Variants in CEP250 observed in about 807,000 individuals in gnomAD.
CEP250 encodes centrosomal protein 250.
Under a neutral mutation model 315.7 loss-of-function variants are expected in CEP250, and 242 were observed. The ratio of observed to expected loss-of-function variants is 0.77; its 90% CI spans 0.69 to 0.85. The LOEUF (loss-of-function observed/expected upper bound fraction) is 0.85. Among genes scored for constraint, CEP250 ranks in the 40% least tolerant of loss-of-function variants. The pLI, the probability that CEP250 is intolerant of heterozygous loss-of-function variation, is 0.00. For missense variants in CEP250, 2,515 were observed against 2,886.4 expected, an observed-to-expected ratio of 0.87 and a Z score of 2.95; for synonymous variants, 1,088 against 1,175.0, an observed-to-expected ratio of 0.93 and a Z score of 1.51.
At position 35,516,311 on chromosome 20, in the gene CEP250, G is replaced by A. The variant is rs907756942; in HGVS notation, c.*4685G>A. 2 of 152,230 alleles carry A rather than the reference G, an allele frequency of 1.3e-5. No homozygotes were observed. Among genetic ancestry groups the A allele is most frequent in the African/African-American group, 4.8e-5 (2 of 41,452 alleles). The allele number at this position is 152,230 out of a possible 1,614,324, so 9.4% of individuals were successfully genotyped here. On this transcript the variant is annotated 3_prime_UTR_variant, in exon 35 of 35. Transcript: ENST00000397527. ...CAGGTGAGGGAATCAGGGAAGGCCA[G>A]ATTAATAATCCACACATTGCCCTTG...
intron 30 of CEP250, among the ~76,000 whole-genome samples, chr20:35,505,825 C>T (rs2064171552): frequency 6.6e-6 from 1 of 152,046 alleles, no homozygotes; most frequent in African/African-American, 2.4e-5. Context: ...GACCGGAAGA[C>T]AGCAGGGGCC....
rs1002803800 is a variant in CEP250, at chr20:35,516,953, C to G, written c.*5327C>G. 10 of 985,072 alleles carry G rather than the reference C, an allele frequency of 1.0e-5. No homozygotes were observed. The highest frequency in any genetic ancestry group is 1.2e-5 in the Non-Finnish European group (10 of 829,672). 61.0% of individuals were successfully genotyped at this position (985,072 alleles called of 1,614,324 possible). ...CAGGTGAGCATAAGCTCAAACCCCCCCATTGAAGGCTACATTCTTGTCCCA... is the reference window on the plus strand; with the variant it reads ...CAGGTGAGCATAAGCTCAAACCCCCGCATTGAAGGCTACATTCTTGTCCCA... On this transcript the variant is annotated 3_prime_UTR_variant, in exon 35 of 35. Coordinates refer to ENST00000397527, the MANE Select transcript of CEP250 (RefSeq NM_007186.6).
In CEP250 at chr20:35,515,939, G is replaced by A. The variant is rs952081182; in HGVS notation, c.*4313G>A. On this transcript the variant is annotated 3_prime_UTR_variant, in exon 35 of 35. Coordinates refer to ENST00000397527, the MANE Select transcript of CEP250 (RefSeq NM_007186.6). ...AGGTGAGGATGAGAGGTGAGACTTC[G>A]TTGGACTGTGCTCCTGGCCAGTTGA... 6 of 152,246 alleles carry A rather than the reference G, an allele frequency of 3.9e-5. No homozygotes were observed. The highest frequency in any genetic ancestry group is 9.7e-5 in the African/African-American group (4 of 41,436). The allele number at this position is 152,246 out of a possible 1,614,324, so 9.4% of individuals were successfully genotyped here.
chr20:35,479,096 G>A (rs1016230183), intron 17 of CEP250, 135 bp from the exon 18 acceptor site: 7 of 773,974 alleles, frequency 9.0e-6, no homozygotes, highest in South Asian at 1.8e-5. Flanking sequence ...TAAATGCCAC[G>A]TGCTATTGGG....
intron 11 of CEP250, 148 bp from the exon 12 acceptor site, chr20:35,472,525 C>T (rs902072963): frequency 1.2e-5 from 10 of 809,600 alleles, no homozygotes; most frequent in Middle Eastern, 3.4e-4. Flanking sequence ...AGGAACCAGA[C>T]TTTTATGCTC....
rs748657295 is a variant in CEP250, at chr20:35,479,290, G to A, written c.2154G>A (p.Lys718=). Residue 718 remains lysine (K), a synonymous_variant, in exon 18 of 35, where the codon AAG becomes AAA. Coordinates refer to ENST00000397527, the MANE Select transcript of CEP250 (RefSeq NM_007186.6). Reference sequence around the variant, plus strand: ...TGGAGCAGCTACATCAGGAGGCAAAGCGACAGGAAGAAGTGCTTGCCAGGG... The same window carrying A: ...TGGAGCAGCTACATCAGGAGGCAAAACGACAGGAAGAAGTGCTTGCCAGGG... ...TQLEQLHQEA[K]RQEEVLARAV... 6.2e-7 allele frequency: 1 copy of A among 1,614,236 alleles called. No individual in the cohort carries two copies. Among genetic ancestry groups the A allele is most frequent in the Admixed American group, 1.7e-5 (1 of 60,024 alleles).
In CEP250 at chr20:35,470,130, AAATT is replaced by A. The variant is rs1262513961; in HGVS notation, c.948+151_948+154del. On this transcript the variant is annotated intron_variant, in intron 10 of 34. Coordinates refer to ENST00000397527, the MANE Select transcript of CEP250 (RefSeq NM_007186.6). The stretch of plus-strand genomic sequence containing the variant: ...AAAAATAAATTTTGGCTGAATCTGA[AAATT>A]AATTAACTCATTCATTTATTCATTG... 53 of 634,792 alleles carry A rather than the reference AAATT, an allele frequency of 8.3e-5. 1 individual carries two copies. The African/African-American group carries it at 8.7e-4, about 10-fold the overall frequency. 39.3% of individuals were successfully genotyped at this position (634,792 alleles called of 1,614,324 possible). A position where few individuals can be genotyped will look rare whatever the true frequency, so the allele number is the denominator to read the frequency against.
intron 1 of CEP250, among the ~76,000 whole-genome samples, chr20:35,456,501 A>C (rs1207870465): frequency 6.6e-6 from 1 of 152,172 alleles, no homozygotes; most frequent in Non-Finnish European, 1.5e-5. Context: ...AGATTTATAG[A>C]GGTCACAACA....
At position 35,502,977 on chromosome 20, in the gene CEP250, A is replaced by G. The variant is rs1326948468; in HGVS notation, c.4608A>G (p.Gln1536=). 1 of 1,614,060 alleles carries G rather than the reference A, an allele frequency of 6.2e-7. No homozygotes were observed. Among genetic ancestry groups the G allele is most frequent in the Non-Finnish European group, 8.5e-7 (1 of 1,180,030 alleles). The change falls in exon 30 of 35, where the codon CAA becomes CAG. Residue 1536 remains glutamine (Q), a synonymous_variant. Transcript: ENST00000397527. ...TTCTAGAACTTGAGAAGAAAGACCA[A>G]ATGATTGAGTCCCAGAGAGGACAGG... The part of the protein sequence containing the change: ...HQLLELEKKD[Q]MIESQRGQVQ...
chr20:35,457,775 G>A (rs940988488), intron 1 of CEP250, among the ~76,000 whole-genome samples: 27 of 152,094 alleles, frequency 1.8e-4, no homozygotes, highest in African/African-American at 6.5e-4. Flanking sequence ...CTACAGCCTG[G>A]GTAACAGAGC....
rs750186084 is a variant in CEP250, at chr20:35,491,195, C to G, written c.2755-17C>G. 2 of 1,609,956 alleles carry G rather than the reference C, an allele frequency of 1.2e-6. No homozygotes were observed. The highest frequency in any genetic ancestry group is 2.7e-5 in the African/African-American group (2 of 74,804). On this transcript the variant is annotated splice_polypyrimidine_tract_variant and intron_variant, in intron 21 of 34. Coordinates refer to ENST00000397527, the MANE Select transcript of CEP250 (RefSeq NM_007186.6). ...AATCCTGAGCCCACAAGCTGTTACC[C>G]CCCTACCCCTCCACAGATGCAGCTG... is the stretch of plus-strand genomic sequence containing the variant.
At chr20:35,471,021 G>A (rs1293173126) in intron 10 of CEP250, among the ~76,000 whole-genome samples, 1 of 152,138 alleles carries the variant, frequency 6.6e-6, no homozygotes. Flanking sequence ...TCTGATTTTA[G>A]GTAGCTCCTG....
chr20:35,507,737 G>A lies in CEP250; in HGVS notation c.6637-1G>A, dbSNP rs778414974. ...TTTTGCTCCATACCTCCGTACCCTA[G>A]GATGAACTGGAGCTCACCAGACGGG... On this transcript the variant is annotated splice_acceptor_variant, in intron 30 of 34. Coordinates refer to ENST00000397527, the MANE Select transcript of CEP250 (RefSeq NM_007186.6). LOFTEE classifies it high-confidence loss of function. The A allele has an allele frequency of 6.4e-7, 1 of 1,552,604 alleles. No homozygotes were observed. The highest frequency in any genetic ancestry group is 1.2e-5 in the South Asian group (1 of 84,304).
In CEP250 at chr20:35,466,215, C is replaced by CGG; in HGVS notation, c.492+14_492+15dup. 1 of 1,571,794 alleles carries CGG rather than the reference C, an allele frequency of 6.4e-7. No homozygotes were observed. The highest frequency in any genetic ancestry group is 8.6e-7 in the Non-Finnish European group (1 of 1,156,656). Reference sequence around the variant, plus strand: ...CAGATGGAGCAGGAGGTAGGAAGAACGGGGACTGGAACTGTGAGAGGAAGC... The same window carrying CGG: ...CAGATGGAGCAGGAGGTAGGAAGAACGGGGGGACTGGAACTGTGAGAGGAAGC... On this transcript the variant is annotated intron_variant, in intron 7 of 34. Coordinates refer to ENST00000397527, the MANE Select transcript of CEP250 (RefSeq NM_007186.6).
chr20:35,476,324 G>A lies in CEP250; in HGVS notation c.1717-125G>A. ...AATGAAGGGAAAACTTGTTTAGAAT[G>A]CAGGAGAGGGAATGGAGTATTAACT... is the stretch of plus-strand genomic sequence containing the variant. On this transcript the variant is annotated intron_variant, in intron 15 of 34. Transcript: ENST00000397527. The A allele has an allele frequency of 6.1e-6, 5 of 819,272 alleles. No homozygotes were observed. The East Asian group carries it at 1.3e-4, about 22-fold the overall frequency. The allele number at this position is 819,272 out of a possible 1,614,324, so 50.8% of individuals were successfully genotyped here. A position where few individuals can be genotyped will look rare whatever the true frequency, so the allele number is the denominator to read the frequency against.
At chr20:35,479,578 C>T in intron 18 of CEP250, 68 bp from the exon 19 acceptor site, 1 of 1,586,590 alleles carries the variant, frequency 6.3e-7, no homozygotes, top group Admixed American at 1.8e-5. Context: ...ACTTAGAACC[C>T]AGCTCCTCTT....
chr20:35,461,780 C>T (rs932639239), intron 3 of CEP250, among the ~76,000 whole-genome samples: 3 of 152,158 alleles, frequency 2.0e-5, no homozygotes, highest in Non-Finnish European at 2.9e-5. Flanking sequence ...AACAAAATGA[C>T]GTAATGCATG....
intron 33 of CEP250, 93 bp downstream of exon 33, chr20:35,509,137 A>C: frequency 2.0e-6 from 2 of 994,508 alleles, no homozygotes; most frequent in Non-Finnish European, 1.5e-6. Flanking sequence ...GGCCAACAGC[A>C]CTTCAGCTAG....
chr20:35,460,754 C>T (rs188382922), intron 3 of CEP250, among the ~76,000 whole-genome samples: 44 of 152,314 alleles, frequency 2.9e-4, no homozygotes, highest in Middle Eastern at 6.8e-3. Flanking sequence ...ATTATGTGGG[C>T]CACACAATGG....
Sources: gnomAD v4.1 joint callset for allele counts (sites outside exome capture counted in the v4.1 genomes callset) on GRCh38, gnomAD v4.1.1 for gene constraint, MANE v1.5 for transcripts, NCBI Gene and HGNC (gene_info 2026-07-23, HGNC 2026-07-21) for gene names.